PLEKHG1: variants seen among roughly 807,000 people sequenced by gnomAD.
The protein encoded by PLEKHG1 is pleckstrin homology domain-containing family G member 1.
A neutral mutation model predicts 100.8 loss-of-function variants in PLEKHG1; 44 were observed. The ratio of observed to expected loss-of-function variants is 0.44; its 90% CI spans 0.34 to 0.56. The LOEUF is 0.56. Among genes scored for constraint, PLEKHG1 ranks in the 20% least tolerant of loss-of-function variants. PLEKHG1 has a pLI of 0.01. For synonymous variants in PLEKHG1, 640 were observed against 662.5 expected (o/e 0.97, Z 0.52); for missense variants, 1,545 against 1,720.9 (o/e 0.90, Z 1.81).
chr6:150,778,690 T>C (rs1332485123), intron 3 of PLEKHG1, among the ~76,000 whole-genome samples: 1 of 152,180 alleles, frequency 6.6e-6, no homozygotes, highest in Non-Finnish European at 1.5e-5. Context: ...TCTTTACCCC[T>C]GTAACCTTCT....
At chr6:150,754,966 G>A (rs1374838380) in intron 2 of PLEKHG1, among the ~76,000 whole-genome samples, 1 of 152,008 alleles carries the variant, frequency 6.6e-6, no homozygotes, top group Non-Finnish European at 1.5e-5. Context: ...CACTGTGCCT[G>A]GCCGGCATCA....
rs188864282 is a variant in PLEKHG1, at chr6:150,805,059, C to A, written c.912+318C>A. Among the ~76,000 whole-genome samples, 745 of 152,142 alleles carry A rather than the reference C, an allele frequency of 4.9e-3. 4 individuals are homozygous for A. Among genetic ancestry groups the A allele is most frequent in the African/African-American group, 0.017 (712 of 41,496 alleles). ...CAAGCAGTTATTCCCCCTCAGCCTC[C>A]CGAGTAGCTGGGATTACAGGCATGT... On this transcript the variant is annotated intron_variant, in intron 7 of 15. Transcript: ENST00000358517.
At chr6:150,820,952 A>G (rs1776260168) in intron 12 of PLEKHG1, among the ~76,000 whole-genome samples, 1 of 152,294 alleles carries the variant, frequency 6.6e-6, no homozygotes, top group South Asian at 2.1e-4. Flanking sequence ...GGACTGAAAA[A>G]GTCAGATTTT....
At chr6:150,793,312 G>A (rs914058761) in intron 4 of PLEKHG1, among the ~76,000 whole-genome samples, 10 of 152,226 alleles carry the variant, frequency 6.6e-5, no homozygotes, top group East Asian at 1.9e-4. Context: ...TGAGGTGAGA[G>A]GATCACTTGA....
chr6:150,783,747 T>C (rs1166771410), intron 3 of PLEKHG1, among the ~76,000 whole-genome samples: 1 of 152,206 alleles, frequency 6.6e-6, no homozygotes, highest in African/African-American at 2.4e-5. Flanking sequence ...AAAAGCTTTT[T>C]TGTTTATGTT....
chr6:150,634,748 A>G (rs1777920378), intron 1 of PLEKHG1, among the ~76,000 whole-genome samples: 1 of 152,248 alleles, frequency 6.6e-6, no homozygotes, highest in African/African-American at 2.4e-5. Flanking sequence ...AAACAATTGA[A>G]CAATAAATCT....
chr6:150,799,588 C>T (rs1283224580), intron 5 of PLEKHG1, among the ~76,000 whole-genome samples: 3 of 152,080 alleles, frequency 2.0e-5, no homozygotes, highest in Non-Finnish European at 4.4e-5. Flanking sequence ...ACAGAGCAGC[C>T]GATTCTGACT....
rs974329084 is a variant in PLEKHG1 at position 150,693,146 on chromosome 6, G to A, written c.-98-40438G>A. 3.9e-4 allele frequency among the ~76,000 whole-genome samples: 59 copies of A among 152,142 alleles called. No homozygotes were observed. The Middle Eastern group carries it at 0.024, about 61-fold the overall frequency. ...CTACTAAAAATACAAAAATTAGCCG[G>A]GTGTGGTGGTGCACACCTGTAGTCC... is the stretch of plus-strand genomic sequence containing the variant. On this transcript the variant is annotated intron_variant, in intron 3 of 3. Transcript: ENST00000367326.
At chr6:150,753,021 G>A (rs1783611567) in intron 2 of PLEKHG1, among the ~76,000 whole-genome samples, 1 of 152,188 alleles carries the variant, frequency 6.6e-6, no homozygotes, top group Non-Finnish European at 1.5e-5. Context: ...GCTGAGGTGG[G>A]AGGATGGCTT....
At chr6:150,770,669 G>A (rs1289467186) in intron 3 of PLEKHG1, among the ~76,000 whole-genome samples, 2 of 152,196 alleles carry the variant, frequency 1.3e-5, no homozygotes, top group African/African-American at 4.8e-5. Context: ...CATAGAAACT[G>A]AATTAGAGAA....
chr6:150,646,726 A>T (rs886930362), intron 2 of PLEKHG1, among the ~76,000 whole-genome samples: 13 of 152,180 alleles, frequency 8.5e-5, no homozygotes, highest in Non-Finnish European at 1.5e-4. Flanking sequence ...GCTCTCCAAG[A>T]TGACAGGTAG....
chr6:150,717,101 G>A (rs1431478399), upstream of PLEKHG1, among the ~76,000 whole-genome samples: 3 of 152,122 alleles, frequency 2.0e-5, no homozygotes, highest in Non-Finnish European at 2.9e-5. Context: ...GTGCAGTTTT[G>A]GCTCACTGCA....
upstream of PLEKHG1, among the ~76,000 whole-genome samples, chr6:150,719,650 GC>G (rs2128608622): frequency 6.6e-6 from 1 of 152,300 alleles, no homozygotes; most frequent in East Asian, 1.9e-4. Flanking sequence ...ATGTGAGCTG[GC>G]TCTTCGTTGA....
At position 150,831,614 on chromosome 6, in the gene PLEKHG1, G is replaced by A. The variant is rs560632162; in HGVS notation, c.2503G>A (p.Val835Ile). The change falls in exon 15 of 16, where the codon GTA becomes ATA. Residue 835 changes from valine to isoleucine, a missense_variant. Coordinates refer to ENST00000358517, the Ensembl canonical transcript of PLEKHG1. This position sits in a 1 kb window ranked among gnomAD's most constrained non-coding sequence, Gnocchi z 4.1. The stretch of plus-strand genomic sequence containing the variant: ...TGTATCTGATAAACTGTCCGAAGAA[G>A]TAGATGAAATCTGGAATGACCTGGA... 2 of 1,614,064 alleles carry A rather than the reference G, an allele frequency of 1.2e-6. No individual in the cohort carries two copies.
At chr6:150,750,765 A>G (rs1783466380) in intron 2 of PLEKHG1, among the ~76,000 whole-genome samples, 1 of 116,842 alleles carries the variant, frequency 8.6e-6, no homozygotes, top group Non-Finnish European at 1.6e-5. Context: ...TGGGCGACAG[A>G]GCGAGACTCC....
Position 150,742,967 on chromosome 6 carries a change from A to G in PLEKHG1, c.411+8875A>G, listed in dbSNP as rs540795204. ...ACTAGACGGGCAAGGAGACATGGAG[A>G]TACATACGGGGAAGGTTTCTGAGAC... is the stretch of plus-strand genomic sequence containing the variant. On this transcript the variant is annotated intron_variant, in intron 2 of 15. Transcript: ENST00000358517. Among the ~76,000 whole-genome samples, 14 of 152,190 alleles carry G rather than the reference A, an allele frequency of 9.2e-5. No individual in the cohort carries two copies. In the South Asian group the frequency reaches 2.9e-3, roughly 32 times the overall value.
chr6:150,647,833 C>G (rs1778566624), intron 2 of PLEKHG1, among the ~76,000 whole-genome samples: 1 of 152,200 alleles, frequency 6.6e-6, no homozygotes, highest in East Asian at 1.9e-4. Flanking sequence ...ATAGAACAGC[C>G]TCTGAGGTTC....
At chr6:150,824,483 C>G (rs778049214) in intron 14 of PLEKHG1, among the ~76,000 whole-genome samples, 1 of 152,012 alleles carries the variant, frequency 6.6e-6, no homozygotes, top group Non-Finnish European at 1.5e-5. Flanking sequence ...TTGTATCTTT[C>G]CATTAAAACC....
chr6:150,653,747 CAA>C (rs905909374), intron 3 of PLEKHG1, among the ~76,000 whole-genome samples: 27 of 142,370 alleles, frequency 1.9e-4, no homozygotes, highest in African/African-American at 4.4e-4. Context: ...GACCCTATCG[CAA>C]AAAAAAAAGA....
Sources: allele counts gnomAD v4.1 joint callset (sites outside exome capture counted in the v4.1 genomes callset), GRCh38; gene constraint gnomAD v4.1.1; non-coding constraint Gnocchi (gnomAD v3.1); transcripts MANE v1.5; gene names NCBI Gene and HGNC (gene_info 2026-07-23, HGNC 2026-07-21).